Variants in TACR3 observed in about 807,000 individuals in gnomAD.
TACR3 encodes tachykinin receptor 3, also known as neuromedin-K receptor.
Under a neutral mutation model 35.0 loss-of-function variants are expected in TACR3, and 34 were observed. The ratio of observed to expected loss-of-function variants is 0.97; its 90% CI spans 0.74 to 1.30. The LOEUF (loss-of-function observed/expected upper bound fraction) is 1.30, where lower values mean the gene tolerates loss of function less well. TACR3 is among the 50% of genes most tolerant of loss of function. The probability of loss-of-function intolerance (pLI) is 0.00; values close to 1 mark genes in which losing one functional copy is unlikely to be tolerated. For synonymous variants in TACR3, 233 were observed against 221.1 expected (o/e 1.05, Z -0.48); for missense variants, 558 against 591.7 (o/e 0.94, Z 0.59).
rs138249534 is a variant in TACR3, at chr4:103,681,055, A to G, written c.549-22652T>C. ...TAAGATAAACTATTTTATTGAAAAT[A>G]GAGCATAATATTCTTCCTTTTAAAA... On this transcript the variant is annotated intron_variant, in intron 1 of 4. Transcript: ENST00000304883. Among the ~76,000 whole-genome samples, 204 of 152,130 alleles carry G rather than the reference A, an allele frequency of 1.3e-3. 4 individuals carry two copies. Among genetic ancestry groups the G allele is most frequent in the East Asian group, 0.012 (63 of 5,184 alleles).
At position 103,591,611 on chromosome 4, in the gene TACR3, G is replaced by C. The variant is rs1723898676; in HGVS notation, c.961C>G (p.Leu321Val). 1.2e-6 allele frequency: 2 copies of C among 1,613,640 alleles called. No homozygotes were observed. The highest frequency in any genetic ancestry group is 1.7e-6 in the Non-Finnish European group (2 of 1,179,844). ...CWLPYHIYFI[L>V]TAIYQQLNRW... ...TTTAGTTGTTGATAGATTGCAGTGA[G>C]AATGAAGTAAATATGATAGGGCAGC... Residue 321 changes from leucine to valine, a missense_variant, in exon 4 of 5, where the codon CTC (leucine) becomes GTC (valine). Transcript: ENST00000304883.
chr4:103,695,183 A>T (rs1400641511), intron 1 of TACR3, among the ~76,000 whole-genome samples: 3 of 152,176 alleles, frequency 2.0e-5, no homozygotes, highest in Non-Finnish European at 2.9e-5. Flanking sequence ...TAATCTTTTC[A>T]GTATGTGTTT....
intron 1 of TACR3, among the ~76,000 whole-genome samples, chr4:103,673,918 T>C (rs1002222100): frequency 1.3e-5 from 2 of 152,220 alleles, no homozygotes; most frequent in Non-Finnish European, 2.9e-5. Flanking sequence ...AAGCTAGATA[T>C]ACTTTTCCAA....
chr4:103,625,854 T>C lies in TACR3; in HGVS notation c.888+30340A>G, dbSNP rs188208194. On this transcript the variant is annotated intron_variant, in intron 3 of 4. Coordinates refer to ENST00000304883, the MANE Select transcript of TACR3 (RefSeq NM_001059.3). Reference sequence around the variant, plus strand: ...AAGATAGGGCCTTTAAAGAGGCAATTCAGGTAAAATGAGATCATACACCTG... The same window carrying C: ...AAGATAGGGCCTTTAAAGAGGCAATCCAGGTAAAATGAGATCATACACCTG... 3.3e-5 allele frequency among the ~76,000 whole-genome samples: 5 copies of C among 152,216 alleles called. No homozygotes were observed. The East Asian group carries it at 9.6e-4, about 29-fold the overall frequency.
intron 3 of TACR3, among the ~76,000 whole-genome samples, chr4:103,599,219 G>A (rs1278599096): frequency 6.6e-6 from 1 of 152,048 alleles, no homozygotes; most frequent in African/African-American, 2.4e-5. Flanking sequence ...TGAAGCAATT[G>A]TGAATGGGAG....
intron 3 of TACR3, among the ~76,000 whole-genome samples, chr4:103,627,418 G>A (rs1363379667): frequency 1.4e-5 from 2 of 145,324 alleles, no homozygotes; most frequent in African/African-American, 5.1e-5. Context: ...TAGCTACTCA[G>A]AAGGCTGAGG....
chr4:103,595,695 ACT>A (rs1436162324), intron 3 of TACR3, among the ~76,000 whole-genome samples: 1 of 149,906 alleles, frequency 6.7e-6, no homozygotes, highest in Admixed American at 6.6e-5. Flanking sequence ...TATTTAGAAA[ACT>A]CTAGGGGTCA....
chr4:103,591,495 C>T lies in TACR3; in HGVS notation c.1077G>A (p.Leu359=). 1.9e-6 allele frequency: 3 copies of T among 1,613,730 alleles called. No homozygotes were observed. The highest frequency in any genetic ancestry group is 2.5e-6 in the Non-Finnish European group (3 of 1,179,758). ...CGTAGTTTTGTTTTTACCTTTTATT[C>T]AGACAGCAGTAGATGATGGGATTGT... ...TMYNPIIYCC[L]NKRFRAGFKR... is the part of the protein sequence containing the mutation. The change falls in exon 4 of 5, where the codon CTG becomes CTA. Residue 359 remains leucine, a synonymous_variant. Coordinates refer to ENST00000304883, the MANE Select transcript of TACR3 (RefSeq NM_001059.3).
At chr4:103,718,782 C>A (rs1723144706) in intron 1 of TACR3, among the ~76,000 whole-genome samples, 1 of 152,124 alleles carries the variant, frequency 6.6e-6, no homozygotes, top group African/African-American at 2.4e-5. Flanking sequence ...AAATTTTGTT[C>A]AAAAGTCATT....
At chr4:103,639,557 G>A (rs563640162) in intron 3 of TACR3, among the ~76,000 whole-genome samples, 5 of 151,868 alleles carry the variant, frequency 3.3e-5, no homozygotes, top group South Asian at 2.1e-4. Flanking sequence ...AAACCTGCAC[G>A]TTGTGCACAT....
chr4:103,630,889 A>T (rs1473211314), intron 3 of TACR3, among the ~76,000 whole-genome samples: 1 of 152,224 alleles, frequency 6.6e-6, no homozygotes, highest in South Asian at 2.1e-4. Flanking sequence ...ACGTGTGTTT[A>T]TCGTGGCACT....
intron 1 of TACR3, among the ~76,000 whole-genome samples, chr4:103,664,655 C>G (rs1339162897): frequency 6.6e-6 from 1 of 152,194 alleles, no homozygotes; most frequent in African/African-American, 2.4e-5. Flanking sequence ...AACAGCTGCT[C>G]ATGACCCATG....
Position 103,679,752 on chromosome 4 carries a change from G to A in TACR3, c.549-21349C>T, listed in dbSNP as rs2866656. 8.1e-3 allele frequency among the ~76,000 whole-genome samples: 1,233 copies of A among 151,980 alleles called. 20 individuals are homozygous for A. Among genetic ancestry groups the A allele is most frequent in the African/African-American group, 0.028 (1,180 of 41,530 alleles). The stretch of plus-strand genomic sequence containing the variant: ...AACATTCCATAATATAATGGTGACT[G>A]TAGATAACTGCAGGGAAAGGTAAGT... On this transcript the variant is annotated intron_variant, in intron 1 of 4. Transcript: ENST00000304883.
chr4:103,596,935 C>A (rs1309700449), intron 3 of TACR3, among the ~76,000 whole-genome samples: 1 of 151,906 alleles, frequency 6.6e-6, no homozygotes, highest in Non-Finnish European at 1.5e-5. Flanking sequence ...ACGAACTCAT[C>A]ATTTTTTATG....
chr4:103,700,631 G>T (rs1466418626), intron 1 of TACR3, among the ~76,000 whole-genome samples: 1 of 152,060 alleles, frequency 6.6e-6, no homozygotes, highest in Admixed American at 6.6e-5. Flanking sequence ...ATGTTACCAG[G>T]ACTCTCTTGC....
At chr4:103,645,034 T>C (rs1289030516) in intron 3 of TACR3, among the ~76,000 whole-genome samples, 4 of 151,768 alleles carry the variant, frequency 2.6e-5, no homozygotes, top group Admixed American at 6.6e-5. Flanking sequence ...TACAACAAAG[T>C]ACATAAAGAT....
intron 3 of TACR3, among the ~76,000 whole-genome samples, chr4:103,595,996 T>C (rs1330131822): frequency 2.0e-5 from 3 of 149,988 alleles, no homozygotes; most frequent in South Asian, 2.1e-4. Flanking sequence ...TGAGAATATG[T>C]GGTGTTTGGT....
At chr4:103,603,217 G>C (rs777256675) in intron 3 of TACR3, among the ~76,000 whole-genome samples, 1 of 152,218 alleles carries the variant, frequency 6.6e-6, no homozygotes, top group Non-Finnish European at 1.5e-5. Context: ...ATAATCTCCT[G>C]GTGTGCCATT....
intron 1 of TACR3, among the ~76,000 whole-genome samples, chr4:103,661,640 T>TA (rs1156610806): frequency 6.6e-6 from 1 of 152,186 alleles, no homozygotes; most frequent in African/African-American, 2.4e-5. Flanking sequence ...GCCAGTCTAA[T>TA]TAGTCTAATG....
Sources: gnomAD v4.1 joint callset for allele counts (sites outside exome capture counted in the v4.1 genomes callset) on GRCh38, gnomAD v4.1.1 for gene constraint, MANE v1.5 for transcripts, NCBI Gene and HGNC (gene_info 2026-07-23, HGNC 2026-07-21) for gene names.